LRRC4C: variants seen among roughly 807,000 people sequenced by gnomAD.
LRRC4C encodes the protein leucine rich repeat containing 4C, also known as leucine-rich repeat-containing protein 4C.
In LRRC4C, 5 loss-of-function variants were observed where a neutral mutation model predicts 33.6. The observed-to-expected ratio is 0.15, with a 90% CI of 0.08 to 0.31. The LOEUF (loss-of-function observed/expected upper bound fraction) is 0.31, where lower values mean the gene tolerates loss of function less well. Ranked by LOEUF, LRRC4C falls within the 10% of genes least tolerant of loss-of-function variation. The pLI is 1.00. For missense variants in LRRC4C, 560 were observed against 796.7 expected (o/e 0.70, Z 3.58); for synonymous variants, 329 against 302.0 (o/e 1.09, Z -0.93).
At chr11:40,832,809 A>G (rs1565112870) in intron 2 of LRRC4C, among the ~76,000 whole-genome samples, 2 of 152,324 alleles carry the variant, frequency 1.3e-5, no homozygotes, top group Middle Eastern at 3.4e-3. Flanking sequence ...GAGGTAGTAC[A>G]TTGGGAAGTA....
At chr11:40,199,102 A>C (rs1310117596) in intron 5 of LRRC4C, among the ~76,000 whole-genome samples, 1 of 152,042 alleles carries the variant, frequency 6.6e-6, no homozygotes, top group Non-Finnish European at 1.5e-5. Context: ...ATGGAGTCTC[A>C]CTCTGTCATC....
intron 3 of LRRC4C, among the ~76,000 whole-genome samples, chr11:40,430,604 CTT>C (rs1440196804): frequency 3.3e-5 from 5 of 152,072 alleles, no homozygotes; most frequent in African/African-American, 7.2e-5. Context: ...GCAAAAGAGA[CTT>C]TGACTGTGGC....
intron 5 of LRRC4C, among the ~76,000 whole-genome samples, chr11:40,167,317 A>T (rs1242589855): frequency 6.6e-6 from 1 of 152,196 alleles, no homozygotes; most frequent in Non-Finnish European, 1.5e-5. Context: ...GAAGATGCAG[A>T]ATGGAAAATA....
chr11:41,047,755 A>G (rs975605575), intron 1 of LRRC4C, among the ~76,000 whole-genome samples: 2 of 152,156 alleles, frequency 1.3e-5, no homozygotes, highest in African/African-American at 4.8e-5. Flanking sequence ...TCATCTGTTT[A>G]TATTTTTAAA....
intron 4 of LRRC4C, among the ~76,000 whole-genome samples, chr11:40,301,126 C>T (rs1013297879): frequency 1.2e-4 from 19 of 152,106 alleles, no homozygotes; most frequent in Non-Finnish European, 2.6e-4. Context: ...ACAATTCTCC[C>T]TTTTTCAGAC....
intron 1 of LRRC4C, among the ~76,000 whole-genome samples, chr11:41,066,588 G>A (rs1938257445): frequency 6.6e-6 from 1 of 152,042 alleles, no homozygotes; most frequent in African/African-American, 2.4e-5. Flanking sequence ...TCCACAAGAA[G>A]ATCAACCCAA....
At chr11:40,894,535 T>G (rs1403690481) in intron 2 of LRRC4C, among the ~76,000 whole-genome samples, 4 of 152,188 alleles carry the variant, frequency 2.6e-5, no homozygotes, top group African/African-American at 9.7e-5. Flanking sequence ...AGAATTTGAT[T>G]ATGGGATTTT....
At chr11:40,247,208 A>G (rs757059025) in intron 4 of LRRC4C, among the ~76,000 whole-genome samples, 12 of 151,796 alleles carry the variant, frequency 7.9e-5, no homozygotes, top group Non-Finnish European at 1.5e-4. Flanking sequence ...CAGCGCACCC[A>G]CTGAGTGTAC....
intron 1 of LRRC4C, among the ~76,000 whole-genome samples, chr11:41,073,057 T>A (rs12226824): frequency 0.07 from 10,723 of 152,230 alleles, 570 homozygotes; most frequent in East Asian, 0.21. Flanking sequence ...AGATAAAATT[T>A]TTCTGGGAAC....
chr11:40,815,362 T>A (rs759662612), intron 2 of LRRC4C, among the ~76,000 whole-genome samples: 4 of 152,132 alleles, frequency 2.6e-5, no homozygotes, highest in Non-Finnish European at 4.4e-5. Context: ...CCACAACATG[T>A]GGGGATTATG....
At chr11:41,059,774 C>T (rs1480329091) in intron 1 of LRRC4C, among the ~76,000 whole-genome samples, 1 of 152,086 alleles carries the variant, frequency 6.6e-6, no homozygotes, top group Non-Finnish European at 1.5e-5. Context: ...CCTGTAATCC[C>T]AGCACTTTGG....
chr11:41,362,331 G>T (rs764073951), intron 1 of LRRC4C, among the ~76,000 whole-genome samples: 3 of 152,014 alleles, frequency 2.0e-5, no homozygotes, highest in Non-Finnish European at 4.4e-5. Flanking sequence ...GCTTGTGGAG[G>T]TTAATAAAAG....
chr11:40,871,534 G>A (rs1469200907), intron 2 of LRRC4C, among the ~76,000 whole-genome samples: 2 of 152,106 alleles, frequency 1.3e-5, no homozygotes, highest in African/African-American at 4.8e-5. Flanking sequence ...ACAGGGCCCA[G>A]TCACTCTTGT....
chr11:40,438,287 T>G (rs1413275646), intron 3 of LRRC4C, among the ~76,000 whole-genome samples: 1 of 152,352 alleles, frequency 6.6e-6, no homozygotes, highest in African/African-American at 2.4e-5. Flanking sequence ...ACCTTTTCAG[T>G]AAGTCCTTCC....
At chr11:40,484,596 A>T (rs973989172) in intron 3 of LRRC4C, among the ~76,000 whole-genome samples, 10 of 152,096 alleles carry the variant, frequency 6.6e-5, no homozygotes, top group African/African-American at 2.4e-4. Context: ...CTGAGATGGA[A>T]GAAAATAAAT....
At chr11:41,420,441 C>A (rs1477513155) in intron 1 of LRRC4C, among the ~76,000 whole-genome samples, 2 of 152,004 alleles carry the variant, frequency 1.3e-5, no homozygotes, top group African/African-American at 2.4e-5. Context: ...ACACGCAGTG[C>A]CCCATAAAAG....
intron 3 of LRRC4C, among the ~76,000 whole-genome samples, chr11:40,624,867 C>A: frequency 6.6e-6 from 1 of 152,034 alleles, no homozygotes; most frequent in Non-Finnish European, 1.5e-5. Flanking sequence ...AACTTCAAGT[C>A]CAGTGTTTTC....
At chr11:41,074,987 C>A (rs1328414797) in intron 1 of LRRC4C, among the ~76,000 whole-genome samples, 1 of 150,354 alleles carries the variant, frequency 6.7e-6, no homozygotes, top group African/African-American at 2.4e-5. Context: ...TTAAGTCTCA[C>A]CCCATCCTCC....
At chr11:41,274,649 C>T (rs1241684595) in intron 1 of LRRC4C, among the ~76,000 whole-genome samples, 4 of 152,152 alleles carry the variant, frequency 2.6e-5, no homozygotes, top group South Asian at 2.1e-4. Flanking sequence ...GGGACAAATA[C>T]GGGAATAAAA....
Sources: allele counts gnomAD v4.1 joint callset (sites outside exome capture counted in the v4.1 genomes callset), GRCh38; gene constraint gnomAD v4.1.1; transcripts MANE v1.5; gene names NCBI Gene and HGNC (gene_info 2026-07-23, HGNC 2026-07-21).